SRP9: variants seen among roughly 807,000 people sequenced by gnomAD.
SRP9 encodes signal recognition particle 9.
SRP9 carries 2 observed loss-of-function variants against 11.7 expected under a neutral mutation model. That is an observed-to-expected ratio of 0.17 (90% CI 0.07 to 0.54). The LOEUF (loss-of-function observed/expected upper bound fraction) is 0.54, where lower values mean the gene tolerates loss of function less well. Among genes scored for constraint, SRP9 ranks in the 20% least tolerant of loss-of-function variants. The pLI, the probability that SRP9 is intolerant of heterozygous loss-of-function variation, is 0.94. For synonymous variants in SRP9, 27 were observed against 35.6 expected (o/e 0.76, Z 0.86); for missense variants, 54 against 108.1 (o/e 0.50, Z 2.22).
At chr1:225,781,021 T>G (rs1036252898) in intron 1 of SRP9, among the ~76,000 whole-genome samples, 1 of 152,250 alleles carries the variant, frequency 6.6e-6, no homozygotes. Context: ...CCAGTCTTTC[T>G]GGCTTTGTCT....
intron 2 of SRP9, among the ~76,000 whole-genome samples, chr1:225,786,561 C>T (rs1349845646): frequency 6.6e-6 from 1 of 152,050 alleles, no homozygotes; most frequent in African/African-American, 2.4e-5. Flanking sequence ...TTCTAAGAAC[C>T]AATTGAATGT....
intron 2 of SRP9, chr1:225,786,931 C>A: frequency 2.6e-6 from 2 of 755,500 alleles, no homozygotes; most frequent in Non-Finnish European, 3.9e-6. Flanking sequence ...CATCCTCGAC[C>A]TCCTGGGCTC....
rs1488614975 is a variant in SRP9 at position 225,790,379 on chromosome 1, C to T, written c.*1020C>T. 3.3e-5 allele frequency: 5 copies of T among 152,298 alleles called. No individual in the cohort carries two copies. The highest frequency in any genetic ancestry group is 2.9e-5 in the Non-Finnish European group (2 of 68,022). 9.4% of individuals were successfully genotyped at this position (152,298 alleles called of 1,614,324 possible). A position where few individuals can be genotyped will look rare whatever the true frequency, so the allele number is the denominator to read the frequency against. On this transcript the variant is annotated 3_prime_UTR_variant, in exon 3 of 3. Transcript: ENST00000304786. The stretch of plus-strand genomic sequence containing the variant: ...TTTTGTATAAATTTGTCATGTTGAA[C>T]AGCATTTTAGCATGGTAAGTTCCCT...
intron 1 of SRP9, among the ~76,000 whole-genome samples, chr1:225,780,857 A>G (rs564903914): frequency 6.6e-6 from 1 of 152,338 alleles, no homozygotes; most frequent in East Asian, 1.9e-4. Context: ...ATTATGTAAT[A>G]ACCTCTTTGT....
chr1:225,785,775 C>T (rs988528333), intron 2 of SRP9, among the ~76,000 whole-genome samples: 5 of 151,272 alleles, frequency 3.3e-5, no homozygotes, highest in African/African-American at 4.9e-5. Flanking sequence ...CTCTGCCTTC[C>T]GGGTTCAAGC....
intron 2 of SRP9, among the ~76,000 whole-genome samples, chr1:225,788,660 T>G (rs1362138123): frequency 6.6e-6 from 1 of 152,166 alleles, no homozygotes; most frequent in African/African-American, 2.4e-5. Flanking sequence ...GTGGTCCGCC[T>G]GCCTCGGCCT....
rs188192393 is a variant in SRP9, at chr1:225,785,541, T to C, written c.141+2173T>C. On this transcript the variant is annotated intron_variant, in intron 2 of 2. Coordinates refer to ENST00000304786, the MANE Select transcript of SRP9 (RefSeq NM_003133.6). ...GACTACAGGCGCCCGCCACCACGCC[T>C]GGCTAATTTTGTGTATTTTTAGTAG... Among the ~76,000 whole-genome samples the C allele has an allele frequency of 2.7e-3, 417 of 151,948 alleles. 2 individuals are homozygous for C. Among genetic ancestry groups the C allele is most frequent in the Middle Eastern group, 0.017 (5 of 290 alleles).
chr1:225,778,605 T>C (rs1430347992), intron 1 of SRP9, among the ~76,000 whole-genome samples: 2 of 152,224 alleles, frequency 1.3e-5, no homozygotes, highest in Middle Eastern at 3.2e-3. Context: ...AAGGGATTCA[T>C]GGACCTCTGA....
intron 2 of SRP9, chr1:225,786,770 GTATC>G (rs1665924734): frequency 8.4e-7 from 1 of 1,183,846 alleles, no homozygotes; most frequent in Non-Finnish European, 1.1e-6. Flanking sequence ...ATATATGAAA[GTATC>G]TAACATGAGT....
chr1:225,783,188 T>G, intron 1 of SRP9, 112 bp from the exon 2 acceptor site: 5 of 697,990 alleles, frequency 7.2e-6, no homozygotes, highest in Non-Finnish European at 1.2e-5. Flanking sequence ...TGCCTTTAGA[T>G]GTTTGGGGGT....
chr1:225,787,862 T>C (rs1665948940), intron 2 of SRP9, among the ~76,000 whole-genome samples: 1 of 152,134 alleles, frequency 6.6e-6, no homozygotes, highest in African/African-American at 2.4e-5. Context: ...GTACAATGCG[T>C]GGATAAAAAT....
At chr1:225,787,383 A>G (rs1665940135) in intron 2 of SRP9, among the ~76,000 whole-genome samples, 2 of 151,952 alleles carry the variant, frequency 1.3e-5, no homozygotes, top group African/African-American at 4.8e-5. Context: ...AAATACAAAT[A>G]TTAGCATGGT....
chr1:225,788,683 G>A (rs552245583), intron 2 of SRP9, among the ~76,000 whole-genome samples: 1 of 152,292 alleles, frequency 6.6e-6, no homozygotes, highest in Non-Finnish European at 1.5e-5. Context: ...CAGAGTGCTG[G>A]GATTACAGGC....
chr1:225,780,764 C>G (rs1223283784), intron 1 of SRP9, among the ~76,000 whole-genome samples: 1 of 152,206 alleles, frequency 6.6e-6, no homozygotes, highest in Admixed American at 6.5e-5. Flanking sequence ...CTCTCCGCAA[C>G]ACATTTAACC....
intron 2 of SRP9, among the ~76,000 whole-genome samples, chr1:225,785,526 G>T (rs982576515): frequency 4.6e-5 from 7 of 151,848 alleles, no homozygotes; most frequent in African/African-American, 1.2e-4. Flanking sequence ...GACTACAGGC[G>T]CCCGCCACCA....
At position 225,790,391 on chromosome 1, in the gene SRP9, A is replaced by G. The variant is rs1217418955; in HGVS notation, c.*1032A>G. 1 of 152,254 alleles carries G rather than the reference A, an allele frequency of 6.6e-6. No individual in the cohort carries two copies. The highest frequency in any genetic ancestry group is 2.4e-5 in the African/African-American group (1 of 41,470). 9.4% of individuals were successfully genotyped at this position (152,254 alleles called of 1,614,324 possible). A position where few individuals can be genotyped will look rare whatever the true frequency, so the allele number is the denominator to read the frequency against. On this transcript the variant is annotated 3_prime_UTR_variant, in exon 3 of 3. Transcript: ENST00000304786. ...TTGTCATGTTGAACAGCATTTTAGCATGGTAAGTTCCCTTAGCTATATGAA... is the reference window on the plus strand; with the variant it reads ...TTGTCATGTTGAACAGCATTTTAGCGTGGTAAGTTCCCTTAGCTATATGAA...
At position 225,789,111 on chromosome 1, in the gene SRP9, C is replaced by T. The variant is rs144331314; in HGVS notation, c.142-129C>T. 5.7e-4 allele frequency: 890 copies of T among 1,551,334 alleles called. 4 individuals carry two copies. In the African/African-American group the frequency reaches 0.011, roughly 19 times the overall value. On this transcript the variant is annotated intron_variant, in intron 2 of 2. Transcript: ENST00000304786. ...AAACTTGAGTGCAATTTCCCTAGTA[C>T]GACCTCCAAGGAGAATAGAGCAAAA...
intron 1 of SRP9, among the ~76,000 whole-genome samples, chr1:225,781,444 G>T (rs1665798808): frequency 7.9e-6 from 1 of 126,716 alleles, no homozygotes. Flanking sequence ...TTGTTGTCCA[G>T]GCTGGAGTGC....
At chr1:225,783,794 C>T (rs908455027) in intron 2 of SRP9, among the ~76,000 whole-genome samples, 13 of 152,204 alleles carry the variant, frequency 8.5e-5, no homozygotes, top group Admixed American at 5.2e-4. Context: ...GGTACTCCAG[C>T]GAAACTGCTC....
Sources: allele counts gnomAD v4.1 joint callset (sites outside exome capture counted in the v4.1 genomes callset), GRCh38; gene constraint gnomAD v4.1.1; transcripts MANE v1.5; gene names NCBI Gene and HGNC (gene_info 2026-07-23, HGNC 2026-07-21).